The following ARSB variants were observed in gnomAD, a reference collection of about 807,000 sequenced individuals.
The protein encoded by ARSB is arylsulfatase B.
ARSB carries 41 observed loss-of-function variants against 50.9 expected under a neutral mutation model. The ratio of observed to expected loss-of-function variants is 0.81; its 90% CI spans 0.63 to 1.04. The LOEUF is 1.04. Among genes scored for constraint, ARSB ranks in the 50% least tolerant of loss-of-function variants. The pLI, the probability that ARSB is intolerant of heterozygous loss-of-function variation, is 0.00. For missense variants in ARSB, 672 were observed against 693.3 expected (o/e 0.97, Z 0.35); for synonymous variants, 269 against 284.8 (o/e 0.94, Z 0.56).
intron 1 of ARSB, among the ~76,000 whole-genome samples, chr5:78,970,066 G>C (rs989571022): frequency 2.6e-5 from 4 of 152,138 alleles, no homozygotes; most frequent in Non-Finnish European, 2.9e-5. Context: ...AGTATGCCCA[G>C]GGCATAAGGT....
intron 4 of ARSB, among the ~76,000 whole-genome samples, chr5:78,929,496 A>G (rs1055804227): frequency 2.0e-4 from 31 of 152,064 alleles, no homozygotes; most frequent in Non-Finnish European, 4.4e-4. Flanking sequence ...GGTGTGCTTT[A>G]AGAGAGGAGA....
chr5:78,780,194 A>T lies in ARSB; in HGVS notation c.*203T>A, dbSNP rs977259176. ...CCCAGCCACCCCCACCTCTAGACAC[A>T]TGCTCCAGCCAACAGCAGGAGTGTT... On this transcript the variant is annotated 3_prime_UTR_variant, in exon 8 of 8. Coordinates refer to ENST00000264914, the MANE Select transcript of ARSB (RefSeq NM_000046.5). The T allele has an allele frequency of 3.2e-5, 21 of 662,788 alleles. No homozygotes were observed. Among genetic ancestry groups the T allele is most frequent in the Non-Finnish European group, 5.1e-5 (20 of 390,440 alleles). 41.1% of individuals were successfully genotyped at this position (662,788 alleles called of 1,614,324 possible).
At chr5:78,840,782 G>C (rs1204125716) in intron 5 of ARSB, among the ~76,000 whole-genome samples, 4 of 151,932 alleles carry the variant, frequency 2.6e-5, no homozygotes, top group Non-Finnish European at 5.9e-5. Context: ...CTGCAGGGGT[G>C]GGGGTGGGGC....
chr5:78,980,423 C>G (rs1330374317), intron 1 of ARSB, among the ~76,000 whole-genome samples: 1 of 152,150 alleles, frequency 6.6e-6, no homozygotes, highest in East Asian at 1.9e-4. Context: ...CTTCACCATT[C>G]TTTGATATAT....
intron 4 of ARSB, among the ~76,000 whole-genome samples, chr5:78,941,906 T>C (rs1750950637): frequency 6.6e-6 from 1 of 152,232 alleles, no homozygotes; most frequent in Non-Finnish European, 1.5e-5. Flanking sequence ...TGAATCCATC[T>C]GGTCCTGGAC....
At chr5:78,838,431 C>T (rs1745042486) in intron 6 of ARSB, among the ~76,000 whole-genome samples, 1 of 152,106 alleles carries the variant, frequency 6.6e-6, no homozygotes, top group South Asian at 2.1e-4. Context: ...GGCCCGAGTG[C>T]CTGGTGACAC....
intron 6 of ARSB, among the ~76,000 whole-genome samples, chr5:78,802,924 G>A (rs115880582): frequency 6.6e-6 from 1 of 152,160 alleles, no homozygotes; most frequent in African/African-American, 2.4e-5. Flanking sequence ...CAGATTTAAG[G>A]GGTGCCTTGT....
intron 6 of ARSB, among the ~76,000 whole-genome samples, chr5:78,829,306 T>C (rs944344857): frequency 1.3e-5 from 2 of 152,260 alleles, no homozygotes; most frequent in Non-Finnish European, 1.5e-5. Context: ...GTGTTAAATA[T>C]TCTTTTCCTT....
At chr5:78,852,417 A>G (rs1156484922) in intron 5 of ARSB, among the ~76,000 whole-genome samples, 1 of 152,204 alleles carries the variant, frequency 6.6e-6, no homozygotes, top group African/African-American at 2.4e-5. Flanking sequence ...AGTTTCTGCC[A>G]AGAGATCTGC....
At chr5:78,821,474 A>G (rs1172503066) in intron 6 of ARSB, among the ~76,000 whole-genome samples, 2 of 152,242 alleles carry the variant, frequency 1.3e-5, no homozygotes, top group Non-Finnish European at 2.9e-5. Flanking sequence ...GTTTAAACAA[A>G]TAATGAAAAT....
At chr5:78,981,485 G>A (rs1032835176) in intron 1 of ARSB, among the ~76,000 whole-genome samples, 1 of 152,196 alleles carries the variant, frequency 6.6e-6, no homozygotes, top group African/African-American at 2.4e-5. Flanking sequence ...ACACTGTGTT[G>A]GGCAAGATTA....
At chr5:78,910,877 TTCTAACAAG>T (rs1418575983) in intron 4 of ARSB, among the ~76,000 whole-genome samples, 5 of 152,208 alleles carry the variant, frequency 3.3e-5, no homozygotes, top group Non-Finnish European at 7.3e-5. Context: ...GAATTTGCCT[TTCTAACAAG>T]TTTCCAGGTG....
chr5:78,778,204 C>G lies in ARSB; in HGVS notation c.*2193G>C, dbSNP rs992327686. Reference sequence around the variant, plus strand: ...ATGCAGAAGGAACATCTGGGCTCAGCTATTTCATGCTGTCGGCCATACACT... The same window carrying G: ...ATGCAGAAGGAACATCTGGGCTCAGGTATTTCATGCTGTCGGCCATACACT... On this transcript the variant is annotated 3_prime_UTR_variant, in exon 8 of 8. Transcript: ENST00000264914. The G allele has an allele frequency of 1.3e-5, 2 of 152,182 alleles. No individual in the cohort carries two copies. Among genetic ancestry groups the G allele is most frequent in the Admixed American group, 1.3e-4 (2 of 15,276 alleles). 9.4% of individuals were successfully genotyped at this position (152,182 alleles called of 1,614,324 possible). A position where few individuals can be genotyped will look rare whatever the true frequency, so the allele number is the denominator to read the frequency against.
chr5:78,780,391 G>C lies in ARSB; in HGVS notation c.*6C>G. On this transcript the variant is annotated 3_prime_UTR_variant, in exon 8 of 8. Coordinates refer to ENST00000264914, the MANE Select transcript of ARSB (RefSeq NM_000046.5). ...AATTGAAAGGTTTTCTAGCCTCCCT[G>C]AAATCCTACATCCAAGGGCCCCACA... 1 of 1,613,990 alleles carries C rather than the reference G, an allele frequency of 6.2e-7. No homozygotes were observed. Among genetic ancestry groups the C allele is most frequent in the Non-Finnish European group, 8.5e-7 (1 of 1,180,004 alleles).
At chr5:78,852,702 C>T (rs866994693) in intron 5 of ARSB, among the ~76,000 whole-genome samples, 101 of 152,224 alleles carry the variant, frequency 6.6e-4, no homozygotes, top group African/African-American at 2.2e-3. Context: ...ACCAATCAGA[C>T]GTAGATTTGG....
chr5:78,860,999 C>A (rs188320366), intron 5 of ARSB, among the ~76,000 whole-genome samples: 2,542 of 152,286 alleles, frequency 0.017, 64 homozygotes, highest in African/African-American at 0.058. Flanking sequence ...TGCAAATAAA[C>A]TAGAAAATCT....
intron 4 of ARSB, among the ~76,000 whole-genome samples, chr5:78,913,958 C>A (rs926269577): frequency 1.3e-5 from 2 of 149,298 alleles, no homozygotes; most frequent in African/African-American, 5.0e-5. Flanking sequence ...CCTTTCAATA[C>A]CATGATTTTT....
chr5:78,906,057 G>T (rs1749051646), intron 4 of ARSB, among the ~76,000 whole-genome samples: 1 of 152,004 alleles, frequency 6.6e-6, no homozygotes, highest in Non-Finnish European at 1.5e-5. Flanking sequence ...GCCTGTCTTG[G>T]GGTAGAGTTA....
chr5:78,926,583 G>C (rs1431099980), intron 4 of ARSB, among the ~76,000 whole-genome samples: 1 of 152,172 alleles, frequency 6.6e-6, no homozygotes, highest in Non-Finnish European at 1.5e-5. Context: ...TTCGAAGCCA[G>C]TTTATGAGTT....
Sources: allele counts gnomAD v4.1 joint callset (sites outside exome capture counted in the v4.1 genomes callset), GRCh38; gene constraint gnomAD v4.1.1; transcripts MANE v1.5; gene names NCBI Gene and HGNC (gene_info 2026-07-23, HGNC 2026-07-21).